MRPL42: variants seen among roughly 807,000 people sequenced by gnomAD.
MRPL42 encodes the protein large ribosomal subunit protein mL42.
A neutral mutation model predicts 17.9 loss-of-function variants in MRPL42; 17 were observed. The ratio of observed to expected loss-of-function variants is 0.95; its 90% CI spans 0.65 to 1.42. The LOEUF (loss-of-function observed/expected upper bound fraction) is 1.42, where lower values mean the gene tolerates loss of function less well. MRPL42 is among the 40% of genes most tolerant of loss of function. The pLI is 0.00. For synonymous variants in MRPL42, 59 were observed against 54.4 expected (o/e 1.08, Z -0.37); for missense variants, 177 against 175.2 (o/e 1.01, Z -0.06).
In MRPL42 at chr12:93,503,985, T is replaced by G. The variant is rs561280395; in HGVS notation, c.*2764T>G. The G allele has an allele frequency of 7.2e-6, 1 of 139,858 alleles. No homozygotes were observed. Among genetic ancestry groups the G allele is most frequent in the African/African-American group, 2.7e-5 (1 of 37,730 alleles). The allele number at this position is 139,858 out of a possible 1,614,324, so 8.7% of individuals were successfully genotyped here. A position where few individuals can be genotyped will look rare whatever the true frequency, so the allele number is the denominator to read the frequency against. ...ATTACCATTTTCTTTTTTTATTTTT[T>G]TTTTAAATTTATTTCTTCTTTTTTT... On this transcript the variant is annotated 3_prime_UTR_variant, in exon 6 of 6. Transcript: ENST00000549982.
At position 93,511,711 on chromosome 12, in the gene MRPL42, A is replaced by G. The variant is rs1029671125; in HGVS notation, c.*10490A>G. 6.6e-6 allele frequency: 1 copy of G among 152,180 alleles called. No homozygotes were observed. The allele number at this position is 152,180 out of a possible 1,614,324, so 9.4% of individuals were successfully genotyped here. On this transcript the variant is annotated 3_prime_UTR_variant, in exon 6 of 6. Transcript: ENST00000549982. ...TATGAAGGAAGATTCTCTTTTTTCCACTTCATTGCCAACAAACAGCTAACT... is the reference window on the plus strand; with the variant it reads ...TATGAAGGAAGATTCTCTTTTTTCCGCTTCATTGCCAACAAACAGCTAACT...
chr12:93,475,033 C>T (rs941515966), intron 2 of MRPL42, among the ~76,000 whole-genome samples: 3 of 152,048 alleles, frequency 2.0e-5, no homozygotes, highest in Admixed American at 6.6e-5. Context: ...GCGGAGGTTG[C>T]AATGAGCTGA....
chr12:93,485,761 T>C (rs1020924320), intron 4 of MRPL42, among the ~76,000 whole-genome samples: 2 of 152,198 alleles, frequency 1.3e-5, no homozygotes, highest in African/African-American at 2.4e-5. Context: ...TCACTTAATA[T>C]TTAAAATATA....
At chr12:93,469,670 T>C (rs532142539) in intron 2 of MRPL42, among the ~76,000 whole-genome samples, 8 of 152,226 alleles carry the variant, frequency 5.3e-5, no homozygotes, top group African/African-American at 2.4e-5. Flanking sequence ...ATGGATAAAT[T>C]ATGGTACATC....
intron 4 of MRPL42, among the ~76,000 whole-genome samples, chr12:93,484,975 C>CACATATATATATACATATATATATAT (rs1880644797): frequency 8.6e-5 from 2 of 23,170 alleles, no homozygotes; most frequent in Non-Finnish European, 9.9e-5. Context: ...CACACACACA[C>CACATATATATATACATATATATATAT]ACACATATAT....
At chr12:93,495,057 G>C (rs1953473034) in intron 5 of MRPL42, among the ~76,000 whole-genome samples, 1 of 152,096 alleles carries the variant, frequency 6.6e-6, no homozygotes, top group Non-Finnish European at 1.5e-5. Flanking sequence ...TCTGTGATCT[G>C]GTGTGGTAAC....
intron 5 of MRPL42, among the ~76,000 whole-genome samples, chr12:93,489,683 T>G (rs1215883677): frequency 2.0e-5 from 3 of 152,120 alleles, no homozygotes; most frequent in Non-Finnish European, 4.4e-5. Context: ...ACAAGCATGT[T>G]GCCACCATAC....
rs1879780688 is a variant in MRPL42, at chr12:93,469,220, A to G, written c.-66A>G. ...TAGAAATTGGTATGCTTAGAAGCAG[A>G]TTCTAAAAGCAGTTTCTCTTCAGAA... is the stretch of plus-strand genomic sequence containing the variant. On this transcript the variant is annotated 5_prime_UTR_variant, in exon 2 of 6. Transcript: ENST00000549982. The G allele has an allele frequency of 7.7e-7, 1 of 1,297,604 alleles. No homozygotes were observed. Among genetic ancestry groups the G allele is most frequent in the Non-Finnish European group, 1.1e-6 (1 of 917,002 alleles). 80.4% of individuals were successfully genotyped at this position (1,297,604 alleles called of 1,614,324 possible). A position where few individuals can be genotyped will look rare whatever the true frequency, so the allele number is the denominator to read the frequency against.
intron 5 of MRPL42, among the ~76,000 whole-genome samples, chr12:93,494,819 G>C (rs1023714040): frequency 9.2e-5 from 14 of 152,244 alleles, no homozygotes; most frequent in Middle Eastern, 3.4e-3. Flanking sequence ...GAGATGAAAG[G>C]GAAGCACCAA....
intron 2 of MRPL42, among the ~76,000 whole-genome samples, chr12:93,472,996 C>T (rs1266299514): frequency 6.6e-6 from 1 of 152,200 alleles, no homozygotes; most frequent in East Asian, 1.9e-4. Context: ...TTCTACTGTA[C>T]TTCCTTTTCT....
intron 5 of MRPL42, among the ~76,000 whole-genome samples, chr12:93,499,913 C>T (rs1300978020): frequency 6.6e-6 from 1 of 152,060 alleles, no homozygotes. Context: ...TCCACATTAG[C>T]AAAAGATTGA....
chr12:93,476,594 C>T (rs1880194687), intron 2 of MRPL42, among the ~76,000 whole-genome samples: 1 of 152,144 alleles, frequency 6.6e-6, no homozygotes, highest in Non-Finnish European at 1.5e-5. Context: ...TCTTATCAAT[C>T]CTTACTTATT....
chr12:93,487,746 G>T, intron 5 of MRPL42, 86 bp downstream of exon 5: 2 of 1,241,886 alleles, frequency 1.6e-6, no homozygotes, highest in Non-Finnish European at 1.1e-6. Flanking sequence ...CTTCTGAAGT[G>T]GTGTTTTGCA....
In MRPL42 at chr12:93,479,873, G is replaced by GTT. The variant is rs35216714; in HGVS notation, c.219+415_219+416dup. Among the ~76,000 whole-genome samples, 11 of 140,990 alleles carry GTT rather than the reference G, an allele frequency of 7.8e-5. No individual in the cohort carries two copies. In the South Asian group the frequency reaches 1.8e-3, roughly 23 times the overall value. The allele number at this position is 140,990 out of a possible 152,430, so 92.5% of individuals were successfully genotyped here. A position where few individuals can be genotyped will look rare whatever the true frequency, so the allele number is the denominator to read the frequency against. Reference sequence around the variant, plus strand: ...TACTTTTTTACTATTGGTTCTGACAGTTTTTTTTTTTTTTTAACATTTGGT... The same window carrying GTT: ...TACTTTTTTACTATTGGTTCTGACAGTTTTTTTTTTTTTTTTTAACATTTGGT... On this transcript the variant is annotated intron_variant, in intron 4 of 5. Transcript: ENST00000549982.
At chr12:93,479,311 C>G in intron 3 of MRPL42, 77 bp from the exon 4 acceptor site, 1 of 795,804 alleles carries the variant, frequency 1.3e-6, no homozygotes, top group South Asian at 2.0e-5. Flanking sequence ...GAGAGTCCAT[C>G]TCAAAAAAAA....
intron 5 of MRPL42, among the ~76,000 whole-genome samples, chr12:93,494,984 A>C (rs557896768): frequency 6.6e-6 from 1 of 152,208 alleles, no homozygotes; most frequent in Non-Finnish European, 1.5e-5. Context: ...CAGCTTGTGC[A>C]CTGGGAAAAT....
intron 2 of MRPL42, among the ~76,000 whole-genome samples, chr12:93,474,200 C>G (rs1157278219): frequency 1.3e-5 from 2 of 151,900 alleles, no homozygotes; most frequent in Non-Finnish European, 2.9e-5. Context: ...ATTCTGTCAC[C>G]CAGTCATGTT....
At chr12:93,492,620 A>G (rs990786247) in intron 5 of MRPL42, among the ~76,000 whole-genome samples, 1 of 152,218 alleles carries the variant, frequency 6.6e-6, no homozygotes, top group Non-Finnish European at 1.5e-5. Context: ...CAGACTCTCA[A>G]TGAAGTATGA....
intron 4 of MRPL42, among the ~76,000 whole-genome samples, chr12:93,480,313 G>A (rs768896050): frequency 7.4e-4 from 112 of 151,906 alleles, no homozygotes; most frequent in Non-Finnish European, 1.3e-3. Flanking sequence ...TAGAGACGGT[G>A]TTTCACCATG....
Sources: allele counts gnomAD v4.1 joint callset (sites outside exome capture counted in the v4.1 genomes callset), GRCh38; gene constraint gnomAD v4.1.1; transcripts MANE v1.5; gene names NCBI Gene and HGNC (gene_info 2026-07-23, HGNC 2026-07-21).